PDE1A: variants seen among roughly 807,000 people sequenced by gnomAD.
PDE1A encodes phosphodiesterase 1A.
Under a neutral mutation model 61.7 loss-of-function variants are expected in PDE1A, and 35 were observed. The ratio of observed to expected loss-of-function variants is 0.57; its 90% CI spans 0.43 to 0.75. PDE1A has a LOEUF of 0.75. Ranked by LOEUF, PDE1A falls within the 30% of genes least tolerant of loss-of-function variation. PDE1A has a pLI of 0.00. For missense variants in PDE1A, 597 were observed against 630.6 expected, an observed-to-expected ratio of 0.95 and a Z score of 0.57; for synonymous variants, 232 against 213.2, an observed-to-expected ratio of 1.09 and a Z score of -0.77.
chr2:182,511,691 T>TC (rs969366142), intron 2 of PDE1A, among the ~76,000 whole-genome samples: 1 of 152,162 alleles, frequency 6.6e-6, no homozygotes, highest in Non-Finnish European at 1.5e-5. Context: ...AGGGCTATTT[T>TC]CCCCATGAGA....
intron 10 of PDE1A, among the ~76,000 whole-genome samples, chr2:182,198,125 G>A (rs895605510): frequency 6.6e-6 from 1 of 151,638 alleles, no homozygotes; most frequent in Non-Finnish European, 1.5e-5. Context: ...TTAATTAAAG[G>A]TTTCCCCCAA....
intron 1 of PDE1A, among the ~76,000 whole-genome samples, chr2:182,272,826 C>T (rs1693130053): frequency 6.6e-6 from 1 of 151,954 alleles, no homozygotes; most frequent in South Asian, 2.1e-4. Flanking sequence ...AATTATGAAT[C>T]TAGGAGGAAG....
intron 1 of PDE1A, among the ~76,000 whole-genome samples, chr2:182,297,087 T>A (rs1166918073): frequency 1.3e-5 from 2 of 152,210 alleles, no homozygotes; most frequent in African/African-American, 4.8e-5. Flanking sequence ...CTATTCCTTA[T>A]AATAAATCTC....
chr2:182,594,830 T>G, the PDE1A span, among the ~76,000 whole-genome samples: 1 of 152,176 alleles, frequency 6.6e-6, no homozygotes, highest in Non-Finnish European at 1.5e-5. Flanking sequence ...CTGGTGGTCA[T>G]AACACTGGAC....
rs143083188 is a variant in PDE1A, at chr2:182,416,218, T to G, written c.53+10360A>C. Among the ~76,000 whole-genome samples the G allele has an allele frequency of 1.5e-3, 235 of 152,324 alleles. 1 individual carries two copies. The highest frequency in any genetic ancestry group is 6.8e-3 in the Middle Eastern group (2 of 294). ...CAAATTATCATTATTCAACATGGCATTATTCGTAGATGTTTAACTGTCTAT... is the reference window on the plus strand; with the variant it reads ...CAAATTATCATTATTCAACATGGCAGTATTCGTAGATGTTTAACTGTCTAT... On this transcript the variant is annotated intron_variant, in intron 1 of 13. Coordinates refer to ENST00000351439, the Ensembl canonical transcript of PDE1A.
intron 4 of PDE1A, among the ~76,000 whole-genome samples, chr2:182,231,440 T>G (rs1689571929): frequency 6.6e-6 from 1 of 152,226 alleles, no homozygotes; most frequent in Non-Finnish European, 1.5e-5. Flanking sequence ...CTGCCATAAA[T>G]CATTTTCTCA....
the PDE1A span, among the ~76,000 whole-genome samples, chr2:182,658,384 A>G: frequency 6.6e-6 from 1 of 152,196 alleles, no homozygotes; most frequent in Non-Finnish European, 1.5e-5. Flanking sequence ...TTGCCCTCAT[A>G]TGGCCTTATT....
intron 12 of PDE1A, 62 bp from the exon 13 acceptor site, chr2:182,186,141 C>A: frequency 6.4e-7 from 1 of 1,553,340 alleles, no homozygotes; most frequent in South Asian, 1.2e-5. Context: ...ACAAGGAAAA[C>A]CTGAAAAACT....
chr2:182,593,329 T>C, the PDE1A span, among the ~76,000 whole-genome samples: 1 of 152,236 alleles, frequency 6.6e-6, no homozygotes, highest in South Asian at 2.1e-4. Context: ...AATCCAGTTA[T>C]AGTTTCCTTT....
the PDE1A span, among the ~76,000 whole-genome samples, chr2:182,689,011 C>A: frequency 6.6e-6 from 1 of 152,158 alleles, no homozygotes; most frequent in Non-Finnish European, 1.5e-5. Flanking sequence ...AATACAGGAG[C>A]ACCCAGATTC....
chr2:182,559,198 C>G, the PDE1A span, among the ~76,000 whole-genome samples: 121 of 152,096 alleles, frequency 8.0e-4, no homozygotes, highest in African/African-American at 2.8e-3. Flanking sequence ...AGACAAAAAC[C>G]TAATGCAAAA....
At chr2:182,185,032 T>C (rs933466933) in intron 13 of PDE1A, among the ~76,000 whole-genome samples, 1 of 152,228 alleles carries the variant, frequency 6.6e-6, no homozygotes, top group African/African-American at 2.4e-5. Flanking sequence ...TCTTTCTGAC[T>C]ATAAATATGA....
intron 1 of PDE1A, among the ~76,000 whole-genome samples, chr2:182,403,285 A>G (rs1044377616): frequency 6.6e-6 from 1 of 152,158 alleles, no homozygotes; most frequent in African/African-American, 2.4e-5. Context: ...ATTCCCATCA[A>G]CGATAGACTG....
chr2:182,588,049 G>T, the PDE1A span, among the ~76,000 whole-genome samples: 1 of 152,250 alleles, frequency 6.6e-6, no homozygotes, highest in East Asian at 1.9e-4. Flanking sequence ...GTGAAGTTTG[G>T]AATGTGAAGT....
At chr2:182,224,048 T>A in intron 6 of PDE1A, 84 bp from the exon 7 acceptor site, 2 of 796,072 alleles carry the variant, frequency 2.5e-6, no homozygotes, top group Non-Finnish European at 4.1e-6. Flanking sequence ...CAGTGCACCC[T>A]GTTTATGTAA....
At chr2:182,229,707 CT>C (rs757554120) in intron 6 of PDE1A, among the ~76,000 whole-genome samples, 3 of 151,308 alleles carry the variant, frequency 2.0e-5, no homozygotes, top group Admixed American at 6.6e-5. Context: ...CTCTAGGTCA[CT>C]TTTTTTGGTT....
chr2:182,169,944 C>CCTCTCTCTCTCT (rs772122359), intron 13 of PDE1A, among the ~76,000 whole-genome samples: 1 of 119,098 alleles, frequency 8.4e-6, no homozygotes, highest in Admixed American at 8.3e-5. Flanking sequence ...ACACACTCTC[C>CCTCTCTCTCTCT]CTCTCTCTCT....
chr2:182,605,175 T>C, the PDE1A span, among the ~76,000 whole-genome samples: 3 of 152,142 alleles, frequency 2.0e-5, no homozygotes, highest in Non-Finnish European at 2.9e-5. Context: ...CTGGTCCAAT[T>C]AGACCTACCG....
intron 13 of PDE1A, among the ~76,000 whole-genome samples, chr2:182,178,184 T>C (rs1221358670): frequency 6.6e-6 from 1 of 152,134 alleles, no homozygotes; most frequent in Non-Finnish European, 1.5e-5. Flanking sequence ...CATCTATCCT[T>C]TGTCTTCAAA....
Sources: gnomAD v4.1 joint callset for allele counts (sites outside exome capture counted in the v4.1 genomes callset) on GRCh38, gnomAD v4.1.1 for gene constraint, MANE v1.5 for transcripts, NCBI Gene and HGNC (gene_info 2026-07-23, HGNC 2026-07-21) for gene names.